The following PTPRD variants were observed in gnomAD, a reference collection of about 807,000 sequenced individuals.
The protein encoded by PTPRD is receptor-type tyrosine-protein phosphatase delta.
In PTPRD, 34 loss-of-function variants were observed where a neutral mutation model predicts 214.5. The ratio of observed to expected loss-of-function variants is 0.16; its 90% CI spans 0.12 to 0.21. PTPRD has a LOEUF of 0.21. PTPRD is among the 10% of genes least tolerant of loss of function. The pLI, the probability that PTPRD is intolerant of heterozygous loss-of-function variation, is 1.00. For synonymous variants in PTPRD, 1,128 were observed against 845.7 expected, an observed-to-expected ratio of 1.33 and a Z score of -5.79; for missense variants, 2,545 against 2,398.7, an observed-to-expected ratio of 1.06 and a Z score of -1.27.
chr9:8,666,066 C>G (rs1476746200), intron 12 of PTPRD, among the ~76,000 whole-genome samples: 1 of 150,616 alleles, frequency 6.6e-6, no homozygotes, highest in East Asian at 1.9e-4. Flanking sequence ...ATGAAAATCA[C>G]TTTATATTTA....
intron 10 of PTPRD, among the ~76,000 whole-genome samples, chr9:9,175,601 C>G (rs1592939836): frequency 8.8e-6 from 1 of 113,884 alleles, no homozygotes; most frequent in Admixed American, 1.2e-4. Context: ...CCAGCTTGGG[C>G]AACAGAGTGA....
chr9:9,500,306 C>T (rs372886952), intron 8 of PTPRD, among the ~76,000 whole-genome samples: 3 of 151,996 alleles, frequency 2.0e-5, no homozygotes, highest in South Asian at 2.1e-4. Context: ...ACATATGAAG[C>T]GAGTATTTCA....
intron 2 of PTPRD, among the ~76,000 whole-genome samples, chr9:10,410,249 T>TTG (rs199593765): frequency 0.074 from 3,136 of 42,566 alleles, 107 homozygotes; most frequent in African/African-American, 0.18. Flanking sequence ...TGGACATATT[T>TTG]TGTGTATATA....
chr9:8,512,708 T>A (rs1476257052), intron 21 of PTPRD, among the ~76,000 whole-genome samples: 2 of 151,980 alleles, frequency 1.3e-5, no homozygotes, highest in Non-Finnish European at 2.9e-5. Flanking sequence ...TAAAGGTATA[T>A]CCATATAAGT....
Position 9,176,740 on chromosome 9 carries a change from C to T in PTPRD, c.-143+6564G>A, listed in dbSNP as rs188616977. Among the ~76,000 whole-genome samples, 4 of 152,282 alleles carry T rather than the reference C, an allele frequency of 2.6e-5. No homozygotes were observed. The East Asian group carries it at 5.8e-4, about 22-fold the overall frequency. On this transcript the variant is annotated intron_variant, in intron 10 of 45. Transcript: ENST00000381196. ...TTACTCTTTCAGTCTCATGAAATCA[C>T]TTCCACCTTCTTCCCTTCTGCCATG... is the stretch of plus-strand genomic sequence containing the variant.
chr9:9,609,424 A>C (rs2094390035), intron 7 of PTPRD, among the ~76,000 whole-genome samples: 1 of 152,200 alleles, frequency 6.6e-6, no homozygotes, highest in African/African-American at 2.4e-5. Context: ...TTTGGGAAGA[A>C]GAGATGTATA....
chr9:9,235,902 T>C (rs1017052673), intron 9 of PTPRD, among the ~76,000 whole-genome samples: 1 of 152,174 alleles, frequency 6.6e-6, no homozygotes, highest in Non-Finnish European at 1.5e-5. Context: ...ACATGGAAAG[T>C]TACCTTGCAT....
At chr9:9,813,582 TATAA>T (rs1005719610) in intron 5 of PTPRD, among the ~76,000 whole-genome samples, 1 of 151,834 alleles carries the variant, frequency 6.6e-6, no homozygotes, top group African/African-American at 2.4e-5. Flanking sequence ...AAATAGAAAA[TATAA>T]ATAGACTAAT....
At chr9:10,571,193 G>T (rs1311623282) in intron 2 of PTPRD, among the ~76,000 whole-genome samples, 1 of 151,986 alleles carries the variant, frequency 6.6e-6, no homozygotes, top group Non-Finnish European at 1.5e-5. Context: ...TTTTAAATCT[G>T]ATTTTTCTTA....
At chr9:8,512,728 T>A (rs973984206) in intron 21 of PTPRD, among the ~76,000 whole-genome samples, 2 of 151,950 alleles carry the variant, frequency 1.3e-5, no homozygotes, top group Non-Finnish European at 2.9e-5. Flanking sequence ...TCAGATGATT[T>A]TCAAGAATCT....
chr9:8,364,483 T>G (rs922023294), intron 39 of PTPRD, among the ~76,000 whole-genome samples: 11 of 152,230 alleles, frequency 7.2e-5, no homozygotes, highest in Non-Finnish European at 1.6e-4. Flanking sequence ...AAATTGTAGC[T>G]GATGGGCCTC....
At position 9,007,755 on chromosome 9, in the gene PTPRD, A is replaced by T. The variant is rs28376870; in HGVS notation, c.-104+10942T>A. On this transcript the variant is annotated intron_variant, in intron 11 of 45. Transcript: ENST00000381196. The stretch of plus-strand genomic sequence containing the variant: ...CTTTTTTTTTTTTTCATTGTGGTTT[A>T]CACCCCCCAAAGGTTGCTTAAGCAT... 2.1e-3 allele frequency among the ~76,000 whole-genome samples: 261 copies of T among 121,860 alleles called. 2 individuals are homozygous for T. The highest frequency in any genetic ancestry group is 7.5e-3 in the African/African-American group (254 of 34,044). The allele number at this position is 121,860 out of a possible 152,430, so 79.9% of individuals were successfully genotyped here.
chr9:8,949,281 A>T (rs2099089384), intron 11 of PTPRD, among the ~76,000 whole-genome samples: 1 of 152,018 alleles, frequency 6.6e-6, no homozygotes, highest in African/African-American at 2.4e-5. Flanking sequence ...ACTAATTGGT[A>T]GATAAAACAT....
intron 8 of PTPRD, among the ~76,000 whole-genome samples, chr9:9,536,345 A>G (rs978027985): frequency 3.9e-5 from 6 of 151,958 alleles, no homozygotes; most frequent in Non-Finnish European, 7.4e-5. Context: ...AGGCTCCTCT[A>G]TGACTCTTCA....
intron 10 of PTPRD, among the ~76,000 whole-genome samples, chr9:9,145,956 G>A (rs959353473): frequency 6.6e-6 from 1 of 152,200 alleles, no homozygotes; most frequent in African/African-American, 2.4e-5. Context: ...AACTGAAGAT[G>A]TCCTTCATGA....
At chr9:9,522,335 T>G (rs916612904) in intron 8 of PTPRD, among the ~76,000 whole-genome samples, 1 of 152,078 alleles carries the variant, frequency 6.6e-6, no homozygotes, top group Admixed American at 6.6e-5. Flanking sequence ...AAGCCCATAG[T>G]AGATGGAAGG....
At chr9:9,871,175 T>C (rs1037812393) in intron 5 of PTPRD, among the ~76,000 whole-genome samples, 3 of 152,162 alleles carry the variant, frequency 2.0e-5, no homozygotes, top group African/African-American at 7.2e-5. Flanking sequence ...TAAAATAATT[T>C]AGTCCTTACA....
chr9:10,155,490 T>G (rs1478059665), intron 3 of PTPRD, among the ~76,000 whole-genome samples: 1 of 152,268 alleles, frequency 6.6e-6, no homozygotes, highest in African/African-American at 2.4e-5. Context: ...ACATGTTGAA[T>G]AGAAGAGATG....
At chr9:8,711,197 G>C (rs1023920837) in intron 12 of PTPRD, among the ~76,000 whole-genome samples, 1 of 151,856 alleles carries the variant, frequency 6.6e-6, no homozygotes, top group Non-Finnish European at 1.5e-5. Flanking sequence ...TATTTCATCA[G>C]CAATATAAAA....
Sources: allele counts gnomAD v4.1 joint callset (sites outside exome capture counted in the v4.1 genomes callset), GRCh38; gene constraint gnomAD v4.1.1; transcripts MANE v1.5; gene names NCBI Gene and HGNC (gene_info 2026-07-23, HGNC 2026-07-21).